The following NFATC1 variants were observed in gnomAD, a reference collection of about 807,000 sequenced individuals.
The protein encoded by NFATC1 is nuclear factor of activated T-cells, cytoplasmic 1.
A neutral mutation model predicts 76.0 loss-of-function variants in NFATC1; 22 were observed. The ratio of observed to expected loss-of-function variants is 0.29; its 90% CI spans 0.21 to 0.41. The LOEUF is 0.41. NFATC1 is among the 10% of genes least tolerant of loss of function. NFATC1 has a pLI of 1.00. For synonymous variants in NFATC1, 704 were observed against 613.1 expected (o/e 1.15, Z -2.19); for missense variants, 1,357 against 1,337.7 (o/e 1.01, Z -0.23).
intron 9 of NFATC1, among the ~76,000 whole-genome samples, chr18:79,490,623 T>C (rs1416919349): frequency 2.0e-5 from 3 of 152,166 alleles, no homozygotes; most frequent in Non-Finnish European, 4.4e-5. Flanking sequence ...AAATGTTTAT[T>C]GCTCTGTCGG....
chr18:79,527,250 G>T (rs1468823308), intron 9 of NFATC1: 2 of 382,306 alleles, frequency 5.2e-6, no homozygotes, highest in Non-Finnish European at 9.6e-6. Context: ...CAGCATCGCG[G>T]CCGGCACCTG....
At chr18:79,512,924 C>A (rs554411437) in intron 9 of NFATC1, among the ~76,000 whole-genome samples, 1 of 152,220 alleles carries the variant, frequency 6.6e-6, no homozygotes, top group Non-Finnish European at 1.5e-5. Context: ...ACGTCCTGAC[C>A]GTAGGTCCGC....
chr18:79,481,290 C>G (rs1289844456), intron 8 of NFATC1, among the ~76,000 whole-genome samples: 1 of 152,266 alleles, frequency 6.6e-6, no homozygotes, highest in Non-Finnish European at 1.5e-5. Flanking sequence ...AGGCAAGACG[C>G]GTGCCCTGGA....
chr18:79,477,523 A>C (rs538548425), intron 8 of NFATC1, among the ~76,000 whole-genome samples: 2 of 152,288 alleles, frequency 1.3e-5, no homozygotes, highest in East Asian at 3.9e-4. Flanking sequence ...GCACTGTCTC[A>C]GTCTTTGGGG....
At chr18:79,444,276 G>A (rs922599957) in intron 3 of NFATC1, among the ~76,000 whole-genome samples, 6 of 152,162 alleles carry the variant, frequency 3.9e-5, no homozygotes, top group Admixed American at 1.3e-4. Flanking sequence ...GTGTGCCCAC[G>A]TGTGTTCACA....
At chr18:79,500,372 T>G (rs1600938203) in intron 9 of NFATC1, among the ~76,000 whole-genome samples, 2 of 152,138 alleles carry the variant, frequency 1.3e-5, no homozygotes, top group East Asian at 3.9e-4. Context: ...ATATCAAAAT[T>G]TGTGGGATGC....
rs144283090 is a variant in NFATC1 at position 79,401,556 on chromosome 18, G to A, written c.127+5205G>A. Among the ~76,000 whole-genome samples the A allele has an allele frequency of 3.1e-3, 476 of 152,360 alleles. 1 individual carries two copies. Among genetic ancestry groups the A allele is most frequent in the Admixed American group, 7.1e-3 (109 of 15,308 alleles). ...GAGGCCCTTCCCACCCGGGCTGCCT[G>A]TGGCCCTGGCGCCGCCTTCCAGAGC... On this transcript the variant is annotated intron_variant, in intron 1 of 9. Transcript: ENST00000427363.
At chr18:79,481,675 A>G (rs960919626) in intron 8 of NFATC1, among the ~76,000 whole-genome samples, 4 of 152,242 alleles carry the variant, frequency 2.6e-5, no homozygotes, top group Admixed American at 6.5e-5. Flanking sequence ...ACTGAGAGCC[A>G]TAGACCCTCG....
chr18:79,485,368 A>G (rs971171724), intron 8 of NFATC1, among the ~76,000 whole-genome samples: 5 of 152,250 alleles, frequency 3.3e-5, no homozygotes, highest in African/African-American at 1.2e-4. Flanking sequence ...TCTAAGTAGC[A>G]CGAGAGGCCT....
chr18:79,431,627 G>A (rs535495080), intron 2 of NFATC1, among the ~76,000 whole-genome samples: 2 of 146,046 alleles, frequency 1.4e-5, no homozygotes, highest in Admixed American at 6.6e-5. Context: ...CTGAGCTCAA[G>A]TGATCTGTTC....
chr18:79,519,508 T>C (rs2090462467), intron 9 of NFATC1, among the ~76,000 whole-genome samples: 1 of 151,396 alleles, frequency 6.6e-6, no homozygotes, highest in South Asian at 2.1e-4. Flanking sequence ...AATTTTTACA[T>C]TTGTTTGTAG....
intron 1 of NFATC1, among the ~76,000 whole-genome samples, chr18:79,400,692 A>G (rs1290228445): frequency 2.7e-5 from 4 of 150,468 alleles, no homozygotes; most frequent in African/African-American, 9.8e-5. Flanking sequence ...CTGGGGGAAG[A>G]GCGCAGCCCG....
At position 79,486,559 on chromosome 18, in the gene NFATC1, G is replaced by A. The variant is rs748350216; in HGVS notation, c.2404G>A (p.Asp802Asn). ...QPAGEAPAVQ[D>N]VPRPVATHPG... ...GGCCGGAGAGGCCCCCGCCGTCCAGGACGTGCCCAGGCCAGTGGCCACGCA... is the reference window on the plus strand; with the variant it reads ...GGCCGGAGAGGCCCCCGCCGTCCAGAACGTGCCCAGGCCAGTGGCCACGCA... The change falls in exon 9 of 10, where the codon GAC (aspartate) becomes AAC (asparagine). Residue 802 changes from aspartate to asparagine, a missense_variant. Physicochemically the swap from Asp to Asn is conservative, Grantham distance 23. This residue lies in a region of NFATC1 where 424 missense variants were observed against 395.4 expected (regional missense o/e 1.07). Transcript: ENST00000427363. 8.2e-6 allele frequency: 13 copies of A among 1,594,366 alleles called. No individual in the cohort carries two copies. Among genetic ancestry groups the A allele is most frequent in the South Asian group, 1.1e-5 (1 of 90,436 alleles).
At chr18:79,432,488 G>A (rs2086635087) in intron 2 of NFATC1, among the ~76,000 whole-genome samples, 1 of 152,124 alleles carries the variant, frequency 6.6e-6, no homozygotes, top group Non-Finnish European at 1.5e-5. Context: ...GAGCAGTGCT[G>A]GTCCAGGGAG....
Position 79,476,798 on chromosome 18 carries a change from C to T in NFATC1, c.2092+9216C>T, listed in dbSNP as rs1023903220. Among the ~76,000 whole-genome samples, 5 of 152,350 alleles carry T rather than the reference C, an allele frequency of 3.3e-5. No homozygotes were observed. In the South Asian group the frequency reaches 1.0e-3, roughly 32 times the overall value. On this transcript the variant is annotated intron_variant, in intron 8 of 9. Transcript: ENST00000427363. ...GGTTAGCCACGGTTGTCAGCCTCCA[C>T]GGAGCTGCAGTTTCAGCCTGGAGGT...
intron 2 of NFATC1, chr18:79,422,498 C>T (rs148578645): frequency 0.018 from 2,818 of 152,342 alleles, 43 homozygotes; most frequent in Non-Finnish European, 0.028. Flanking sequence ...CCCCGCCCTC[C>T]GGACCACACT....
At chr18:79,430,587 T>C (rs1231194966) in intron 2 of NFATC1, among the ~76,000 whole-genome samples, 2 of 152,234 alleles carry the variant, frequency 1.3e-5, no homozygotes, top group Non-Finnish European at 2.9e-5. Context: ...TTCACCCTGT[T>C]GGCCAGGATG....
intron 2 of NFATC1, among the ~76,000 whole-genome samples, chr18:79,428,331 C>T (rs534615209): frequency 2.0e-4 from 31 of 152,270 alleles, no homozygotes; most frequent in East Asian, 1.9e-3. Context: ...TTTTAACTAT[C>T]GTGTAAAGAT....
Position 79,524,391 on chromosome 18 carries a change from C to T in NFATC1, c.2783-3137C>T, listed in dbSNP as rs1271944427. Among the ~76,000 whole-genome samples, 2 of 152,230 alleles carry T rather than the reference C, an allele frequency of 1.3e-5. No homozygotes were observed. Among genetic ancestry groups the T allele is most frequent in the Non-Finnish European group, 1.5e-5 (1 of 68,036 alleles). On this transcript the variant is annotated intron_variant, in intron 9 of 9. Coordinates refer to ENST00000427363, the MANE Select transcript of NFATC1 (RefSeq NM_001278669.2). This position sits in a 1 kb window ranked among gnomAD's most constrained non-coding sequence, Gnocchi z 7.2. Reference sequence around the variant, plus strand: ...TACAGCCTCCTCTGCGGTTCGGTTGCTGTGCTGTCCTCTGCTGAGTGGTGT... The same window carrying T: ...TACAGCCTCCTCTGCGGTTCGGTTGTTGTGCTGTCCTCTGCTGAGTGGTGT...
Sources: gnomAD v4.1 joint callset for allele counts (sites outside exome capture counted in the v4.1 genomes callset) on GRCh38, gnomAD v4.1.1 for gene constraint, gnomAD v4.1.1 regional missense constraint, Gnocchi (gnomAD v3.1) non-coding constraint, MANE v1.5 for transcripts, NCBI Gene and HGNC (gene_info 2026-07-23, HGNC 2026-07-21) for gene names.